The following ATP7B variants were observed in gnomAD, a reference collection of about 807,000 sequenced individuals.
ATP7B encodes the protein ATPase copper transporting beta.
ATP7B carries 113 observed loss-of-function variants against 118.9 expected under a neutral mutation model. The observed-to-expected ratio is 0.95, with a 90% CI of 0.82 to 1.11. The LOEUF is 1.11. Ranked by LOEUF, ATP7B falls within the 50% of genes most tolerant of loss-of-function variation. The pLI is 0.00. For synonymous variants in ATP7B, 777 were observed against 727.4 expected (o/e 1.07, Z -1.10); for missense variants, 1,867 against 1,871.4 (o/e 1.00, Z 0.04).
intron 1 of ATP7B, among the ~76,000 whole-genome samples, chr13:52,009,886 A>C (rs113201761): frequency 1.3e-5 from 2 of 152,306 alleles, no homozygotes; most frequent in African/African-American, 4.8e-5. Flanking sequence ...CCTACATCAA[A>C]GGGTTTTTGT....
Position 51,960,287 on chromosome 13 carries a change from C to A in ATP7B, c.1982G>T (p.Gly661Val). 6.2e-7 allele frequency: 1 copy of A among 1,613,788 alleles called. No individual in the cohort carries two copies. Among genetic ancestry groups the A allele is most frequent in the Non-Finnish European group, 8.5e-7 (1 of 1,179,850 alleles). Residue 661 changes from glycine to valine, a missense_variant, in exon 7 of 21, where the codon GGC becomes GTC. By Grantham distance (109) the Gly-to-Val change is moderately radical. Coordinates refer to ENST00000242839, the MANE Select transcript of ATP7B (RefSeq NM_000053.4). The stretch of plus-strand genomic sequence containing the variant: ...GATCATTAAGGCCATGACAGGGATG[C>A]CAAACACCAGGCTGCACAGGAAAGA... ...KKSFLCSLVF[G>V]IPVMALMIYM...
intron 1 of ATP7B, among the ~76,000 whole-genome samples, chr13:52,009,475 C>T (rs1251934250): frequency 6.6e-6 from 1 of 152,212 alleles, no homozygotes; most frequent in Non-Finnish European, 1.5e-5. Flanking sequence ...ACCTGATTTA[C>T]AACCATAACC....
intron 9 of ATP7B, among the ~76,000 whole-genome samples, chr13:51,951,754 C>A (rs1958022696): frequency 6.6e-6 from 1 of 152,114 alleles, no homozygotes; most frequent in African/African-American, 2.4e-5. Context: ...ACAAGTAGTT[C>A]CACAGGGGCA....
chr13:51,983,278 T>C (rs1012572545), intron 1 of ATP7B, among the ~76,000 whole-genome samples: 7 of 152,138 alleles, frequency 4.6e-5, no homozygotes, highest in Non-Finnish European at 1.0e-4. Context: ...TTTCCCCTCA[T>C]AGTGTAAACA....
chr13:52,007,290 T>A (rs1391134038), intron 1 of ATP7B, among the ~76,000 whole-genome samples: 2 of 152,142 alleles, frequency 1.3e-5, no homozygotes, highest in East Asian at 3.9e-4. Context: ...CAATAAAAAA[T>A]CGCTGAGAAA....
rs768467658 is a variant in ATP7B at position 51,935,615 on chromosome 13, G to C, written c.4102C>G (p.Leu1368Val). 3 of 1,613,590 alleles carry C rather than the reference G, an allele frequency of 1.9e-6. No homozygotes were observed. The highest frequency in any genetic ancestry group is 1.6e-4 in the Middle Eastern group (1 of 6,080). ...CACCACTTGAGCTGCAGGGATGAGA[G>C]CACCACAGACACAGAGGAGGCTGCC... ...AMAASSVSVV[L>V]SSLQLKCYKK... is the part of the protein sequence containing the mutation. The change falls in exon 20 of 21, where the codon CTC (leucine) becomes GTC (valine). Residue 1368 changes from leucine (L) to valine (V), a missense_variant. Leu to Val is a conservative substitution (Grantham distance 32). Coordinates refer to ENST00000242839, the MANE Select transcript of ATP7B (RefSeq NM_000053.4).
chr13:51,934,667 C>T lies in ATP7B; in HGVS notation c.*89G>A. The T allele has an allele frequency of 1.3e-6, 2 of 1,582,404 alleles. No homozygotes were observed. Among genetic ancestry groups the T allele is most frequent in the South Asian group, 2.2e-5 (2 of 89,648 alleles). ...GAGCGGAAGTCCCCAAAGCTGGAGG[C>T]TAGCTCAGCCCATCCTGCTGCTGGC... On this transcript the variant is annotated 3_prime_UTR_variant, in exon 21 of 21. Transcript: ENST00000242839.
chr13:52,010,955 A>G (rs187783390), intron 1 of ATP7B, among the ~76,000 whole-genome samples: 3 of 152,376 alleles, frequency 2.0e-5, no homozygotes, highest in South Asian at 2.1e-4. Flanking sequence ...CCAGGCTCTG[A>G]GTAACTTCTC....
chr13:51,935,554 T>A, intron 20 of ATP7B, 39 bp downstream of exon 20: 1 of 1,584,802 alleles, frequency 6.3e-7, no homozygotes, highest in South Asian at 1.1e-5. Flanking sequence ...CAAGGCCTCC[T>A]GGGAGCCTCC....
chr13:52,011,575 C>T, upstream of ATP7B: 2 of 620,332 alleles, frequency 3.2e-6, no homozygotes, highest in African/African-American at 1.8e-5. Context: ...GTCCTCCCGA[C>T]CTGGGGGCAC....
chr13:51,990,922 T>C (rs1952877105), intron 1 of ATP7B, among the ~76,000 whole-genome samples: 1 of 152,206 alleles, frequency 6.6e-6, no homozygotes, highest in African/African-American at 2.4e-5. Flanking sequence ...ACCTCATCTC[T>C]ACTAAAAATA....
Position 51,960,253 on chromosome 13 carries a change from CAGCATAT to C in ATP7B, c.2009_2015del (p.Tyr670Ter), listed in dbSNP as rs779904655. 2.7e-5 allele frequency: 44 copies of C among 1,613,844 alleles called. No homozygotes were observed. Among genetic ancestry groups the C allele is most frequent in the Non-Finnish European group, 3.7e-5 (44 of 1,179,876 alleles). On this transcript the variant is annotated frameshift_variant, in exon 7 of 21. Coordinates refer to ENST00000242839, the MANE Select transcript of ATP7B (RefSeq NM_000053.4). LOFTEE classifies it high-confidence loss of function. Reference sequence around the variant, plus strand: ...ACTGGTGGGGCTCGTTGCTGGGTATCAGCATATAGATCATTAAGGCCATGACAGGGAT... The same window carrying C: ...ACTGGTGGGGCTCGTTGCTGGGTATCAGATCATTAAGGCCATGACAGGGAT...
chr13:51,997,953 G>A (rs923341634), intron 1 of ATP7B, among the ~76,000 whole-genome samples: 3 of 152,160 alleles, frequency 2.0e-5, no homozygotes, highest in African/African-American at 7.2e-5. Context: ...TCTAAGAGAC[G>A]TGTGGAACAG....
At position 51,991,452 on chromosome 13, in the gene ATP7B, G is replaced by A. The variant is rs905804894; in HGVS notation, c.52-16284C>T. Among the ~76,000 whole-genome samples, 11 of 151,846 alleles carry A rather than the reference G, an allele frequency of 7.2e-5. 1 individual carries two copies. The highest frequency in any genetic ancestry group is 3.3e-4 in the Admixed American group (5 of 15,256). On this transcript the variant is annotated intron_variant, in intron 1 of 20. Transcript: ENST00000242839. The stretch of plus-strand genomic sequence containing the variant: ...GAGGTTGCAGTGAGCCAAGATCTGC[G>A]GCAACTGCACTCCAACCTGGGTGAC...
At chr13:52,001,561 G>A (rs1398764068) in intron 1 of ATP7B, among the ~76,000 whole-genome samples, 2 of 151,974 alleles carry the variant, frequency 1.3e-5, no homozygotes. Flanking sequence ...TATCCAAAGG[G>A]CTCACTTCCT....
chr13:51,942,341 C>G, intron 15 of ATP7B, 45 bp downstream of exon 15: 1 of 1,611,300 alleles, frequency 6.2e-7, no homozygotes, highest in Non-Finnish European at 8.5e-7. Flanking sequence ...GTGGTTTGAC[C>G]CACCTCTACT....
Position 51,950,051 on chromosome 13 carries a change from A to G in ATP7B, c.2686T>C (p.Leu896=). ...TCCACCAGTTTCACAATCTGAGCCA[A>G]AGTGGTGTCATTGCCCACGTGGGTA... ...KATHVGNDTT[L]AQIVKLVEEA... is the part of the protein sequence containing the mutation. Residue 896 remains leucine, a synonymous_variant, in exon 11 of 21, where the codon TTG becomes CTG. Transcript: ENST00000242839. 1 of 1,614,220 alleles carries G rather than the reference A, an allele frequency of 6.2e-7. No homozygotes were observed. The highest frequency in any genetic ancestry group is 1.6e-4 in the Middle Eastern group (1 of 6,062).
chr13:51,999,526 G>C (rs908976116), intron 1 of ATP7B, among the ~76,000 whole-genome samples: 1 of 152,232 alleles, frequency 6.6e-6, no homozygotes, highest in Non-Finnish European at 1.5e-5. Flanking sequence ...ATTACGAAGA[G>C]ATGGGATGGC....
chr13:51,981,020 G>A (rs1355641902), intron 1 of ATP7B, among the ~76,000 whole-genome samples: 2 of 152,156 alleles, frequency 1.3e-5, no homozygotes, highest in African/African-American at 4.8e-5. Flanking sequence ...ATTTTATGAG[G>A]ATGGCATTTT....
Sources: allele counts gnomAD v4.1 joint callset (sites outside exome capture counted in the v4.1 genomes callset), GRCh38; gene constraint gnomAD v4.1.1; transcripts MANE v1.5; gene names NCBI Gene and HGNC (gene_info 2026-07-23, HGNC 2026-07-21).